The following MRE11 variants were observed in gnomAD, a reference collection of about 807,000 sequenced individuals.
MRE11 encodes double-strand break repair protein MRE11.
A neutral mutation model predicts 91.7 loss-of-function variants in MRE11; 62 were observed. The observed-to-expected ratio is 0.68, with a 90% CI of 0.55 to 0.84. The LOEUF (loss-of-function observed/expected upper bound fraction) is 0.84. Among genes scored for constraint, MRE11 ranks in the 40% least tolerant of loss-of-function variants. The pLI is 0.00. For synonymous variants in MRE11, 273 were observed against 271.4 expected, an observed-to-expected ratio of 1.01 and a Z score of -0.06; for missense variants, 796 against 852.9, an observed-to-expected ratio of 0.93 and a Z score of 0.83.
intron 4 of MRE11, 109 bp from the exon 5 acceptor site, chr11:94,479,870 T>C (rs1946970707): frequency 2.5e-6 from 2 of 790,036 alleles, no homozygotes; most frequent in South Asian, 1.5e-5. Flanking sequence ...ATAATCTACA[T>C]TGGCATATGA....
chr11:94,491,998 T>C (rs529770290), intron 2 of MRE11, among the ~76,000 whole-genome samples: 1 of 152,328 alleles, frequency 6.6e-6, no homozygotes, highest in South Asian at 2.1e-4. Context: ...GAAAAAGGTA[T>C]AATTATTCCA....
chr11:94,420,585 A>T (rs934808294), intron 19 of MRE11, among the ~76,000 whole-genome samples: 2 of 152,234 alleles, frequency 1.3e-5, no homozygotes, highest in African/African-American at 4.8e-5. Flanking sequence ...CCACATGGAG[A>T]TCCAACTCAG....
At chr11:94,451,471 C>T (rs1187670135) in intron 14 of MRE11, among the ~76,000 whole-genome samples, 1 of 152,128 alleles carries the variant, frequency 6.6e-6, no homozygotes, top group African/African-American at 2.4e-5. Context: ...AGACAGCTTC[C>T]AAACTGTTTT....
upstream of MRE11, chr11:94,497,366 G>T (rs1159987389): frequency 3.7e-6 from 1 of 272,572 alleles, no homozygotes; most frequent in African/African-American, 2.2e-5. Flanking sequence ...AATTTGCCCA[G>T]GATCATCGAA....
chr11:94,488,027 C>T (rs1407525173), intron 3 of MRE11, among the ~76,000 whole-genome samples: 1 of 152,100 alleles, frequency 6.6e-6, no homozygotes, highest in East Asian at 1.9e-4. Flanking sequence ...TAATACACAT[C>T]TAGAAGTCCC....
At chr11:94,498,460 C>G (rs1276180397), upstream of MRE11, 2 of 1,613,888 alleles carry the variant, frequency 1.2e-6, no homozygotes, top group Non-Finnish European at 1.7e-6. Context: ...TTGATATTGC[C>G]AGGAGGACAA....
At chr11:94,461,558 C>T (rs2135003965) in intron 11 of MRE11, among the ~76,000 whole-genome samples, 1 of 152,254 alleles carries the variant, frequency 6.6e-6, no homozygotes, top group Non-Finnish European at 1.5e-5. Context: ...TGAAAACTGG[C>T]ACAAGACAGG....
chr11:94,424,092 C>T (rs1336241046), intron 19 of MRE11, among the ~76,000 whole-genome samples: 1 of 152,144 alleles, frequency 6.6e-6, no homozygotes, highest in East Asian at 1.9e-4. Flanking sequence ...AGGAGTGGCC[C>T]TTATGAGTGG....
chr11:94,451,208 G>A (rs528041759), intron 14 of MRE11, among the ~76,000 whole-genome samples: 4 of 152,142 alleles, frequency 2.6e-5, no homozygotes, highest in Admixed American at 6.5e-5. Context: ...GGAAGAATGG[G>A]AGGGAAGACC....
chr11:94,495,326 A>T (rs770188199), upstream of MRE11, among the ~76,000 whole-genome samples: 1 of 152,204 alleles, frequency 6.6e-6, no homozygotes, highest in Non-Finnish European at 1.5e-5. Flanking sequence ...AATGCTACAC[A>T]TACTTCTTAA....
rs781684108 is a variant in MRE11 at position 94,429,948 on chromosome 11, C to T, written c.2033G>A (p.Ser678Asn). The T allele has an allele frequency of 1.9e-6, 3 of 1,614,022 alleles. No homozygotes were observed. The highest frequency in any genetic ancestry group is 2.5e-6 in the Non-Finnish European group (3 of 1,180,000). The change falls in exon 19 of 20, where the codon AGT (serine) becomes AAT (asparagine). Residue 678 changes from serine (S) to asparagine (N), a missense_variant. By Grantham distance (46) the Ser-to-Asn change is conservative (BLOSUM62 1). Coordinates refer to ENST00000323929, the MANE Select transcript of MRE11 (RefSeq NM_005591.4). ...STSSSKIMSQ[S>N]QVSKGVDFES... ...AAAATCAACCCCTTTCGATACTTGA[C>T]TCTGGGACATGATTTTGCTGGATGA... is the stretch of plus-strand genomic sequence containing the variant.
chr11:94,462,769 A>G (rs1946455622), intron 11 of MRE11, among the ~76,000 whole-genome samples: 1 of 152,232 alleles, frequency 6.6e-6, no homozygotes. Context: ...CACCTCACAC[A>G]AAAATTAATT....
At chr11:94,494,026 C>T (rs1253585400), upstream of MRE11, 1 of 152,346 alleles carries the variant, frequency 6.6e-6, no homozygotes, top group East Asian at 1.9e-4. Context: ...GCGATTTTCC[C>T]TTCTGTCAGG....
chr11:94,455,188 C>T (rs978059248), intron 14 of MRE11, among the ~76,000 whole-genome samples: 1 of 152,116 alleles, frequency 6.6e-6, no homozygotes, highest in Admixed American at 6.5e-5. Flanking sequence ...GAAAAGTCTA[C>T]ACTTGGAGTC....
chr11:94,470,806 G>A (rs1946690237), intron 8 of MRE11, among the ~76,000 whole-genome samples, 164 bp from the exon 9 acceptor site: 1 of 151,880 alleles, frequency 6.6e-6, no homozygotes, highest in African/African-American at 2.4e-5. Flanking sequence ...TATCATCACA[G>A]GAAAAGATGG....
At chr11:94,450,166 C>A (rs1023159777) in intron 14 of MRE11, among the ~76,000 whole-genome samples, 4 of 152,142 alleles carry the variant, frequency 2.6e-5, no homozygotes, top group African/African-American at 9.7e-5. Flanking sequence ...AATACAGTAT[C>A]TTTAAACAGA....
In MRE11 at chr11:94,416,951, T is replaced by A. The variant is rs1055383740; in HGVS notation, c.*3174A>T. ...GGAAAGTCGCTTTTAAATTCTATAT[T>A]TCCAAAAAAGATATTTTACATTTAG... On this transcript the variant is annotated 3_prime_UTR_variant, in exon 20 of 20. Transcript: ENST00000323929. 6.6e-6 allele frequency: 1 copy of A among 152,014 alleles called. No individual in the cohort carries two copies. Among genetic ancestry groups the A allele is most frequent in the Admixed American group, 6.6e-5 (1 of 15,266 alleles). The allele number at this position is 152,014 out of a possible 1,614,324, so 9.4% of individuals were successfully genotyped here. A position where few individuals can be genotyped will look rare whatever the true frequency, so the allele number is the denominator to read the frequency against.
intron 4 of MRE11, chr11:94,483,981 A>G (rs1947075305): frequency 3.3e-5 from 5 of 152,204 alleles, no homozygotes; most frequent in African/African-American, 1.2e-4. Context: ...TAATGTGCAC[A>G]TGTAACATCC....
rs1291744543 is a variant in MRE11, at chr11:94,419,417, A to G, written c.*708T>C. The G allele has an allele frequency of 4.3e-6, 1 of 231,768 alleles. No homozygotes were observed. The highest frequency in any genetic ancestry group is 6.1e-5 in the East Asian group (1 of 16,432). The allele number at this position is 231,768 out of a possible 1,614,324, so 14.4% of individuals were successfully genotyped here. On this transcript the variant is annotated 3_prime_UTR_variant, in exon 20 of 20. Transcript: ENST00000323929. ...CTAGGCACGCATATATGTATGAAAG[A>G]GAAGAAAAAGCAAAGGAGAAAGGAA...
Sources: gnomAD v4.1 joint callset for allele counts (sites outside exome capture counted in the v4.1 genomes callset) on GRCh38, gnomAD v4.1.1 for gene constraint, MANE v1.5 for transcripts, NCBI Gene and HGNC (gene_info 2026-07-23, HGNC 2026-07-21) for gene names.